The following SBSPON variants were observed in gnomAD, a reference collection of about 807,000 sequenced individuals.
SBSPON encodes somatomedin-B and thrombospondin type-1 domain-containing protein.
In SBSPON, 30 loss-of-function variants were observed where a neutral mutation model predicts 35.8. The observed-to-expected ratio is 0.84, with a 90% CI of 0.63 to 1.14. The LOEUF is 1.14. Ranked by LOEUF, SBSPON falls within the 50% of genes most tolerant of loss-of-function variation. SBSPON has a pLI of 0.00. For missense variants in SBSPON, 364 were observed against 357.7 expected (o/e 1.02, Z -0.14); for synonymous variants, 136 against 135.9 (o/e 1.00, Z 0.00).
rs780050619 is a variant in SBSPON at position 73,067,475 on chromosome 8, A to C, written c.678-17T>G. 4 of 1,461,330 alleles carry C rather than the reference A, an allele frequency of 2.7e-6. No individual in the cohort carries two copies. In the African/African-American group the frequency reaches 5.6e-5, roughly 21 times the overall value. The allele number at this position is 1,461,330 out of a possible 1,614,324, so 90.5% of individuals were successfully genotyped here. On this transcript the variant is annotated splice_polypyrimidine_tract_variant and intron_variant, in intron 4 of 4. Coordinates refer to ENST00000297354, the MANE Select transcript of SBSPON (RefSeq NM_153225.4). ...GTCTGATTTCTGAAACGATATTTCGAAAGTGTTAGTTACACTAAAAGCATA... is the reference window on the plus strand; with the variant it reads ...GTCTGATTTCTGAAACGATATTTCGCAAGTGTTAGTTACACTAAAAGCATA...
At chr8:73,088,358 A>G (rs755569206) in intron 1 of SBSPON, among the ~76,000 whole-genome samples, 7 of 152,240 alleles carry the variant, frequency 4.6e-5, no homozygotes, top group Non-Finnish European at 1.0e-4. Flanking sequence ...AAAAGGCTTT[A>G]GGCAGCAACA....
At chr8:73,086,176 T>C (rs1202611079) in intron 1 of SBSPON, among the ~76,000 whole-genome samples, 1 of 152,090 alleles carries the variant, frequency 6.6e-6, no homozygotes, top group African/African-American at 2.4e-5. Flanking sequence ...CTTTTTTTTT[T>C]TGGAGACGGA....
intron 1 of SBSPON, 68 bp from the exon 2 acceptor site, chr8:73,081,281 A>G (rs1423119633): frequency 1.5e-6 from 2 of 1,352,830 alleles, no homozygotes; most frequent in Non-Finnish European, 1.0e-6. Flanking sequence ...GTTCCCGCCA[A>G]CACAAACAGC....
intron 2 of SBSPON, among the ~76,000 whole-genome samples, chr8:73,072,256 G>A (rs767827566): frequency 1.5e-4 from 23 of 151,180 alleles, no homozygotes; most frequent in Admixed American, 8.6e-4. Flanking sequence ...AATAGAGAAA[G>A]AAAGGGAGAA....
intron 2 of SBSPON, among the ~76,000 whole-genome samples, chr8:73,079,901 AAAT>A (rs1423242772): frequency 1.3e-5 from 2 of 152,108 alleles, no homozygotes; most frequent in African/African-American, 4.8e-5. Context: ...GACTCTCAAT[AAAT>A]ATTTGTGTGT....
intron 4 of SBSPON, among the ~76,000 whole-genome samples, chr8:73,067,809 G>T (rs940488502): frequency 2.0e-5 from 3 of 148,290 alleles, no homozygotes; most frequent in South Asian, 4.4e-4. Flanking sequence ...CCTGGCTCAC[G>T]CTGGGATTAG....
chr8:73,079,672 A>C (rs1048372681), intron 2 of SBSPON, among the ~76,000 whole-genome samples: 3 of 152,070 alleles, frequency 2.0e-5, no homozygotes, highest in African/African-American at 7.2e-5. Context: ...ACCGAGGGGA[A>C]TCACCTGATT....
intron 1 of SBSPON, chr8:73,085,772 G>A (rs1810812586): frequency 6.6e-6 from 1 of 152,172 alleles, no homozygotes. Flanking sequence ...TGAGCCGACA[G>A]CCAGAGCCAT....
At chr8:73,072,998 A>G (rs1810526615) in intron 2 of SBSPON, among the ~76,000 whole-genome samples, 1 of 152,096 alleles carries the variant, frequency 6.6e-6, no homozygotes, top group Non-Finnish European at 1.5e-5. Context: ...CTACCTCATC[A>G]CTAAGTCTAG....
intron 1 of SBSPON, among the ~76,000 whole-genome samples, chr8:73,087,524 T>C (rs1002954058): frequency 6.6e-6 from 1 of 151,920 alleles, no homozygotes; most frequent in African/African-American, 2.4e-5. Flanking sequence ...GCCCCGCTCG[T>C]TTTTTTTCTT....
rs537114683 is a variant in SBSPON, at chr8:73,089,168, C to A, written c.214+3686G>T. On this transcript the variant is annotated intron_variant, in intron 1 of 4. Transcript: ENST00000297354. The stretch of plus-strand genomic sequence containing the variant: ...TGCAAGTCAGGTGAGACTTTTGCCA[C>A]CAAATGAGTTATGAAAAAGCTTTCA... Among the ~76,000 whole-genome samples the A allele has an allele frequency of 1.8e-4, 27 of 152,284 alleles. No individual in the cohort carries two copies. The South Asian group carries it at 4.4e-3, about 25-fold the overall frequency.
In SBSPON at chr8:73,067,056, A is replaced by G. The variant is rs1338144785; in HGVS notation, c.*285T>C. On this transcript the variant is annotated 3_prime_UTR_variant, in exon 5 of 5. Transcript: ENST00000297354. Reference sequence around the variant, plus strand: ...ATTTTACTTTAGCAAACAGACATGTATTCTGTGTCTCACGGGCCACCTGCT... The same window carrying G: ...ATTTTACTTTAGCAAACAGACATGTGTTCTGTGTCTCACGGGCCACCTGCT... 7.6e-6 allele frequency: 2 copies of G among 262,798 alleles called. No individual in the cohort carries two copies. The highest frequency in any genetic ancestry group is 1.5e-5 in the Non-Finnish European group (2 of 135,942). The allele number at this position is 262,798 out of a possible 1,614,324, so 16.3% of individuals were successfully genotyped here.
chr8:73,093,007 CG>C lies in SBSPON; in HGVS notation c.60del (p.Gly21AlafsTer121). On this transcript the variant is annotated frameshift_variant, in exon 1 of 5. Transcript: ENST00000297354. LOFTEE classifies it high-confidence loss of function. ...CAGCAGCGCCCGGCCTCGGCGCAGC[CG>C]GCCTGGGCCCCGGGCCACAGCCGCG... ...ALSRLWPGAQ[A>X]GCAEAGRCCP... 6.8e-7 allele frequency: 1 copy of C among 1,462,378 alleles called. No homozygotes were observed. The highest frequency in any genetic ancestry group is 9.0e-7 in the Non-Finnish European group (1 of 1,113,316). The allele number at this position is 1,462,378 out of a possible 1,614,324, so 90.6% of individuals were successfully genotyped here.
intron 2 of SBSPON, among the ~76,000 whole-genome samples, chr8:73,077,858 C>CCT (rs1295257921): frequency 2.6e-5 from 4 of 151,922 alleles, no homozygotes; most frequent in African/African-American, 7.3e-5. Context: ...CACTGCAAAT[C>CCT]CTCTCTCTCT....
chr8:73,070,481 C>G (rs1025380938), intron 3 of SBSPON, among the ~76,000 whole-genome samples: 1 of 152,228 alleles, frequency 6.6e-6, no homozygotes, highest in African/African-American at 2.4e-5. Context: ...CTTCCCCACC[C>G]TCTCCACCCA....
At chr8:73,080,984 G>C in intron 2 of SBSPON, 35 bp downstream of exon 2, 1 of 1,513,636 alleles carries the variant, frequency 6.6e-7, no homozygotes, top group Non-Finnish European at 8.9e-7. Flanking sequence ...AGTCATCACA[G>C]ATAACAAAGG....
intron 4 of SBSPON, among the ~76,000 whole-genome samples, chr8:73,067,854 T>A (rs920499719): frequency 6.6e-6 from 1 of 150,808 alleles, no homozygotes; most frequent in Non-Finnish European, 1.5e-5. Context: ...CCCCAATTTT[T>A]TTTTTAATGA....
chr8:73,064,616 A>G lies in SBSPON; in HGVS notation c.*2725T>C, dbSNP rs1273511743. ...GAAAAGATAGCTAACTGAAATTTTT[A>G]TGCCAGATGATAACCAAACACTTTA... On this transcript the variant is annotated 3_prime_UTR_variant, in exon 5 of 5. Transcript: ENST00000297354. The G allele has an allele frequency of 3.3e-5, 5 of 152,230 alleles. No individual in the cohort carries two copies. Among genetic ancestry groups the G allele is most frequent in the Non-Finnish European group, 7.3e-5 (5 of 68,036 alleles). 9.4% of individuals were successfully genotyped at this position (152,230 alleles called of 1,614,324 possible). A position where few individuals can be genotyped will look rare whatever the true frequency, so the allele number is the denominator to read the frequency against.
intron 2 of SBSPON, among the ~76,000 whole-genome samples, chr8:73,079,983 G>C (rs1329340023): frequency 6.6e-6 from 1 of 152,176 alleles, no homozygotes; most frequent in East Asian, 1.9e-4. Context: ...GTTCCTATGA[G>C]AAACATATGG....
Sources: allele counts gnomAD v4.1 joint callset (sites outside exome capture counted in the v4.1 genomes callset), GRCh38; gene constraint gnomAD v4.1.1; transcripts MANE v1.5; gene names NCBI Gene and HGNC (gene_info 2026-07-23, HGNC 2026-07-21).